Variants in DUSP18 observed in about 807,000 individuals in gnomAD.
The protein encoded by DUSP18 is dual specificity phosphatase 18.
DUSP18 carries 4 observed loss-of-function variants against 6.3 expected under a neutral mutation model. The ratio of observed to expected loss-of-function variants is 0.63; its 90% confidence interval spans 0.31 to 1.45. The LOEUF (loss-of-function observed/expected upper bound fraction) is 1.45. Ranked by LOEUF, DUSP18 falls within the 40% of genes most tolerant of loss-of-function variation. The probability of loss-of-function intolerance (pLI) is 0.07; values close to 1 mark genes in which losing one functional copy is unlikely to be tolerated. For missense variants in DUSP18, 235 were observed against 247.7 expected (o/e 0.95, Z 0.34); for synonymous variants, 96 against 95.1 (o/e 1.01, Z -0.05).
At chr22:30,657,679 T>C (rs1433624118), downstream of DUSP18, among the ~76,000 whole-genome samples, 3 of 151,368 alleles carry the variant, frequency 2.0e-5, no homozygotes, top group Admixed American at 6.6e-5. Context: ...CCGAGTCAGG[T>C]GGATCACGAG....
chr22:30,655,064 A>G (rs2088307035), intron 2 of DUSP18, among the ~76,000 whole-genome samples: 1 of 152,026 alleles, frequency 6.6e-6, no homozygotes, highest in Non-Finnish European at 1.5e-5. Flanking sequence ...GGGTTCTGCT[A>G]TTCTCTGCTC....
At chr22:30,664,355 C>T (rs1392827244) in intron 1 of DUSP18, among the ~76,000 whole-genome samples, 1 of 152,206 alleles carries the variant, frequency 6.6e-6, no homozygotes, top group Non-Finnish European at 1.5e-5. Context: ...ATGGCAAGTC[C>T]CCAAGTCTGG....
At position 30,663,360 on chromosome 22, in the gene DUSP18, G is replaced by T; in HGVS notation, c.*77C>A. ...TTTTCTGTATCAACAAAAGTAGAAT[G>T]TTCAAGTTTGGATCTTGGTGTAAGA... On this transcript the variant is annotated 3_prime_UTR_variant, in exon 2 of 2. Coordinates refer to ENST00000334679, the MANE Select transcript of DUSP18 (RefSeq NM_152511.5). 1 of 1,414,110 alleles carries T rather than the reference G, an allele frequency of 7.1e-7. No individual in the cohort carries two copies. The highest frequency in any genetic ancestry group is 2.3e-5 in the East Asian group (1 of 43,292). The allele number at this position is 1,414,110 out of a possible 1,614,324, so 87.6% of individuals were successfully genotyped here. A position where few individuals can be genotyped will look rare whatever the true frequency, so the allele number is the denominator to read the frequency against.
In DUSP18 at chr22:30,661,671, T is replaced by C. The variant is rs548706853; in HGVS notation, c.*1766A>G. 1 of 152,352 alleles carries C rather than the reference T, an allele frequency of 6.6e-6. No homozygotes were observed. The highest frequency in any genetic ancestry group is 1.9e-4 in the East Asian group (1 of 5,192). The allele number at this position is 152,352 out of a possible 1,614,324, so 9.4% of individuals were successfully genotyped here. On this transcript the variant is annotated 3_prime_UTR_variant, in exon 2 of 2. Coordinates refer to ENST00000334679, the MANE Select transcript of DUSP18 (RefSeq NM_152511.5). ...AGTTTGGTGTCAAACAGAGCAGCTGTGCTTTTGTTTCAAATGCTGTTTGCT... is the reference window on the plus strand; with the variant it reads ...AGTTTGGTGTCAAACAGAGCAGCTGCGCTTTTGTTTCAAATGCTGTTTGCT...
At chr22:30,657,304 C>CAA (rs1241065701), downstream of DUSP18, among the ~76,000 whole-genome samples, 2 of 101,300 alleles carry the variant, frequency 2.0e-5, no homozygotes, top group African/African-American at 1.7e-4. Flanking sequence ...CACACACACA[C>CAA]ACAAATTAGC....
downstream of DUSP18, among the ~76,000 whole-genome samples, chr22:30,660,761 G>A (rs1413612546): frequency 6.6e-6 from 1 of 151,776 alleles, no homozygotes; most frequent in Non-Finnish European, 1.5e-5. Flanking sequence ...GAAAAATAAA[G>A]CATTACCTGT....
rs1264636601 is a variant in DUSP18, at chr22:30,654,151, ATTTTT to A, written c.*34-1859_*34-1855del. 33 of 222,000 alleles carry A rather than the reference ATTTTT, an allele frequency of 1.5e-4. No individual in the cohort carries two copies. The Admixed American group carries it at 1.6e-3, about 11-fold the overall frequency. The allele number at this position is 222,000 out of a possible 1,614,324, so 13.8% of individuals were successfully genotyped here. A position where few individuals can be genotyped will look rare whatever the true frequency, so the allele number is the denominator to read the frequency against. ...CCCGCCACCACGCCCGGCTATTTTTATTTTTTATTTTTTTAGTAGAGACTGGGTTT... is the reference window on the plus strand; with the variant it reads ...CCCGCCACCACGCCCGGCTATTTTTATATTTTTTTAGTAGAGACTGGGTTT... On this transcript the variant is annotated intron_variant, in intron 2 of 2. Coordinates refer to the DUSP18 transcript ENST00000404885.
At chr22:30,659,912 A>G (rs1184941504), downstream of DUSP18, among the ~76,000 whole-genome samples, 1 of 152,210 alleles carries the variant, frequency 6.6e-6, no homozygotes, top group East Asian at 1.9e-4. Context: ...TGTGAGAAGA[A>G]TTCAACCTAT....
chr22:30,666,645 A>G (rs2088681448), intron 1 of DUSP18, among the ~76,000 whole-genome samples: 1 of 142,974 alleles, frequency 7.0e-6, no homozygotes. Context: ...AAAAAAAAAA[A>G]AGCAATCTCT....
chr22:30,654,383 T>G (rs556525271), intron 2 of DUSP18: 1 of 461,912 alleles, frequency 2.2e-6, no homozygotes, highest in East Asian at 6.5e-5. Flanking sequence ...CAGCCAACTT[T>G]GTGATCCAGC....
At chr22:30,665,596 C>T (rs1456726444) in intron 1 of DUSP18, 1 of 467,870 alleles carries the variant, frequency 2.1e-6, no homozygotes, top group African/African-American at 2.0e-5. Context: ...AGATCACACC[C>T]CTCCCTCACG....
At chr22:30,665,827 T>C (rs558647511) in intron 1 of DUSP18, among the ~76,000 whole-genome samples, 2 of 152,106 alleles carry the variant, frequency 1.3e-5, no homozygotes, top group Non-Finnish European at 2.9e-5. Flanking sequence ...GCTTGATAAA[T>C]ATTTGTTGAA....
Position 30,663,956 on chromosome 22 carries a change from T to A in DUSP18, c.48A>T (p.Ser16=). The change falls in exon 2 of 2, where the codon TCA becomes TCT. Residue 16 remains serine, a synonymous_variant. Transcript: ENST00000334679. ...TGGTTATCTGCGAGAGGCCGCTGAC[T>A]GAGGGCTGCCGGAACTGAACTGGGA... The part of the protein sequence containing the change: ...CAFPVQFRQP[S]VSGLSQITKS... 3.1e-6 allele frequency: 5 copies of A among 1,614,166 alleles called. No individual in the cohort carries two copies. Among genetic ancestry groups the A allele is most frequent in the Non-Finnish European group, 4.2e-6 (5 of 1,180,002 alleles).
At chr22:30,660,889 G>T (rs147880847), downstream of DUSP18, among the ~76,000 whole-genome samples, 1,489 of 151,810 alleles carry the variant, frequency 9.8e-3, 14 homozygotes, top group South Asian at 0.031. Flanking sequence ...GCCCAGGCTG[G>T]AGTGCAATGT....
rs368354166 is a variant in DUSP18 at position 30,663,591 on chromosome 22, C to T, written c.413G>A (p.Arg138Gln). ...GCCGCTGTTGGGTCGGATGATGGGC[C>T]GGCATGACTTGGTCCACGTGTGGGC... ...LDAHTWTKSC[R>Q]PIIRPNSGFW... The change falls in exon 2 of 2, where the codon CGG (arginine) becomes CAG (glutamine). Residue 138 changes from arginine (R) to glutamine (Q), a missense_variant. Physicochemically the swap from Arg to Gln is conservative, Grantham distance 43 (BLOSUM62 1). Transcript: ENST00000334679. 4 of 1,614,194 alleles carry T rather than the reference C, an allele frequency of 2.5e-6. No individual in the cohort carries two copies. The highest frequency in any genetic ancestry group is 1.1e-5 in the South Asian group (1 of 91,082).
chr22:30,658,085 A>G (rs967812842), downstream of DUSP18, among the ~76,000 whole-genome samples: 4 of 151,826 alleles, frequency 2.6e-5, no homozygotes, highest in Non-Finnish European at 2.9e-5. Context: ...TAGCCTGGGC[A>G]ACAGAATAAG....
intron 2 of DUSP18, among the ~76,000 whole-genome samples, chr22:30,653,221 G>A (rs992382758): frequency 7.9e-5 from 12 of 152,152 alleles, no homozygotes; most frequent in Admixed American, 2.0e-4. Context: ...AGCCCTGGAT[G>A]TTCTGACGTT....
At chr22:30,654,711 G>A (rs548658201) in intron 2 of DUSP18, 9 of 374,124 alleles carry the variant, frequency 2.4e-5, no homozygotes, top group East Asian at 1.5e-4. Flanking sequence ...TGATGCCCCC[G>A]CAGTGTACGA....
chr22:30,663,859 C>A lies in DUSP18; in HGVS notation c.145G>T (p.Val49Phe). ...ACTACCTCCACTGAGACATTGATGA[C>A]CATGGTGATCTGGTTGCTAGACAGC... ...LMLSSNQITM[V>F]INVSVEVVNT... Residue 49 changes from valine (V) to phenylalanine (F), a missense_variant, in exon 2 of 2, where the codon GTC (valine) becomes TTC (phenylalanine). By Grantham distance (50) the Val-to-Phe change is conservative. Coordinates refer to ENST00000334679, the MANE Select transcript of DUSP18 (RefSeq NM_152511.5). 1.2e-6 allele frequency: 2 copies of A among 1,614,226 alleles called. No individual in the cohort carries two copies. The highest frequency in any genetic ancestry group is 8.5e-7 in the Non-Finnish European group (1 of 1,180,040).
Sources: allele counts gnomAD v4.1 joint callset (sites outside exome capture counted in the v4.1 genomes callset), GRCh38; gene constraint gnomAD v4.1.1; transcripts MANE v1.5; gene names NCBI Gene and HGNC (gene_info 2026-07-23, HGNC 2026-07-21).